ETV1: variants seen among roughly 807,000 people sequenced by gnomAD.
The protein encoded by ETV1 is ETS translocation variant 1.
ETV1 carries 27 observed loss-of-function variants against 62.3 expected under a neutral mutation model. The ratio of observed to expected loss-of-function variants is 0.43; its 90% CI spans 0.32 to 0.60. The LOEUF (loss-of-function observed/expected upper bound fraction) is 0.60. Among genes scored for constraint, ETV1 ranks in the 20% least tolerant of loss-of-function variants. The pLI, the probability that ETV1 is intolerant of heterozygous loss-of-function variation, is 0.06. For missense variants in ETV1, 605 were observed against 605.8 expected (o/e 1.00, Z 0.01); for synonymous variants, 222 against 199.6 (o/e 1.11, Z -0.94).
chr7:13,919,884 C>CAA (rs200553984), intron 9 of ETV1, among the ~76,000 whole-genome samples: 11 of 152,070 alleles, frequency 7.2e-5, no homozygotes, highest in Non-Finnish European at 8.8e-5. Flanking sequence ...CACAAAGACA[C>CAA]ACACACAGAG....
chr7:13,948,983 A>G (rs945474660), intron 6 of ETV1, among the ~76,000 whole-genome samples: 9 of 152,194 alleles, frequency 5.9e-5, no homozygotes, highest in African/African-American at 2.2e-4. Flanking sequence ...ATTGAGACTA[A>G]AACTACAAAT....
intron 6 of ETV1, among the ~76,000 whole-genome samples, chr7:13,974,098 G>C (rs1000150561): frequency 2.0e-5 from 3 of 152,112 alleles, no homozygotes; most frequent in African/African-American, 4.8e-5. Flanking sequence ...TAATATACAA[G>C]ATGCTGTGGA....
intron 6 of ETV1, among the ~76,000 whole-genome samples, chr7:13,954,558 A>G (rs564231268): frequency 6.6e-6 from 1 of 152,326 alleles, no homozygotes; most frequent in South Asian, 2.1e-4. Flanking sequence ...TGGTGATCCT[A>G]TATTGTTTGA....
chr7:13,989,843 G>T (rs80152843), upstream of ETV1: 61,383 of 371,340 alleles, frequency 0.17, 6,017 homozygotes, highest in Middle Eastern at 0.23. Flanking sequence ...TCTGCCCTAG[G>T]GGGTGCTCGG....
At chr7:13,902,651 G>C (rs1040098855) in intron 12 of ETV1, among the ~76,000 whole-genome samples, 1 of 152,078 alleles carries the variant, frequency 6.6e-6, no homozygotes, top group Non-Finnish European at 1.5e-5. Flanking sequence ...ACCTGGAGGG[G>C]ATGTGAAAAT....
chr7:13,938,887 A>T (rs1039215186), intron 7 of ETV1, among the ~76,000 whole-genome samples: 1 of 152,234 alleles, frequency 6.6e-6, no homozygotes, highest in Non-Finnish European at 1.5e-5. Flanking sequence ...GCATCACTAC[A>T]GTAGAAAAGC....
intron 6 of ETV1, among the ~76,000 whole-genome samples, chr7:13,941,087 T>A (rs1003399359): frequency 1.3e-5 from 2 of 152,166 alleles, no homozygotes; most frequent in Non-Finnish European, 2.9e-5. Flanking sequence ...AGAAATTTTG[T>A]CTATCTCCAT....
rs550322359 is a variant in ETV1 at position 13,913,491 on chromosome 7, A to T, written c.803-2184T>A. Among the ~76,000 whole-genome samples, 7 of 152,316 alleles carry T rather than the reference A, an allele frequency of 4.6e-5. No homozygotes were observed. In the East Asian group the frequency reaches 1.3e-3, roughly 29 times the overall value. On this transcript the variant is annotated intron_variant, in intron 9 of 13. Coordinates refer to ENST00000430479, the MANE Select transcript of ETV1 (RefSeq NM_004956.5). ...TAATAATAATAATGACATCCTTAAA[A>T]GGGTTGTTGGGAGGACCACGTGGAG...
At position 13,928,956 on chromosome 7, in the gene ETV1, T is replaced by C. The variant is rs889462569; in HGVS notation, c.802+2546A>G. Among the ~76,000 whole-genome samples, 18 of 152,320 alleles carry C rather than the reference T, an allele frequency of 1.2e-4. No individual in the cohort carries two copies. The South Asian group carries it at 1.2e-3, about 11-fold the overall frequency. ...CTGGGCGACAGAGCGAGACTCCGTC[T>C]CAAAAAAAATTCATTTCTAGAGCAC... On this transcript the variant is annotated intron_variant, in intron 9 of 13. Transcript: ENST00000430479.
chr7:13,906,672 A>G, intron 11 of ETV1, 73 bp from the exon 12 acceptor site: 1 of 1,145,644 alleles, frequency 8.7e-7, no homozygotes, highest in Non-Finnish European at 1.2e-6. Flanking sequence ...ACATTAAATC[A>G]ATCACTAATA....
chr7:13,951,091 G>C (rs1379779393), intron 6 of ETV1, among the ~76,000 whole-genome samples: 1 of 151,550 alleles, frequency 6.6e-6, no homozygotes, highest in Non-Finnish European at 1.5e-5. Context: ...CATACCACTT[G>C]GGCTAAGTTC....
Position 13,900,756 on chromosome 7 carries a change from C to A in ETV1, c.1194G>T (p.Glu398Asp). The A allele has an allele frequency of 1.9e-6, 3 of 1,608,782 alleles. No individual in the cohort carries two copies. Among genetic ancestry groups the A allele is most frequent in the Non-Finnish European group, 1.7e-6 (2 of 1,177,156 alleles). ...TGCTCACCTTTTGCATAATTCCTTT[C>A]TCATAGTAATAGCGGAGTGAACGGC... ...KLSRSLRYYY[E>D]KGIMQKVAGE... The change falls in exon 13 of 14, where the codon GAG (glutamate) becomes GAT (aspartate). Residue 398 changes from glutamate to aspartate, a missense_variant. Glu to Asp is a conservative substitution (Grantham distance 45). Transcript: ENST00000430479.
In ETV1 at chr7:13,931,553, G is replaced by A. The variant is rs904139873; in HGVS notation, c.751C>T (p.Pro251Ser). 6.2e-7 allele frequency: 1 copy of A among 1,614,064 alleles called. No individual in the cohort carries two copies. Among genetic ancestry groups the A allele is most frequent in the Non-Finnish European group, 8.5e-7 (1 of 1,179,904 alleles). ...TCCTGTTTAATCATCAGAGGAGGGG[G>A]AAAGCTTTGGCTGGCCGCACTGCCA... is the stretch of plus-strand genomic sequence containing the variant. ...MVGSAASQSFPPPLMIKQEPR... is the reference protein window; with the variant it reads ...MVGSAASQSFSPPLMIKQEPR... Residue 251 changes from proline to serine, a missense_variant, in exon 9 of 14, where the codon CCC becomes TCC. Pro to Ser is a moderately conservative substitution (Grantham distance 74, BLOSUM62 -1). Around this residue, in one of 3 missense-constraint regions of ETV1, gnomAD observed 426 missense variants for 377.8 expected, o/e 1.13. Coordinates refer to ENST00000430479, the MANE Select transcript of ETV1 (RefSeq NM_004956.5).
At chr7:13,920,687 T>C (rs1388255661) in intron 9 of ETV1, among the ~76,000 whole-genome samples, 1 of 152,204 alleles carries the variant, frequency 6.6e-6, no homozygotes, top group African/African-American at 2.4e-5. Flanking sequence ...ATCCAGACTG[T>C]AGTCTCAACT....
intron 8 of ETV1, among the ~76,000 whole-genome samples, chr7:13,933,094 T>G (rs918503681): frequency 6.6e-6 from 1 of 152,204 alleles, no homozygotes; most frequent in African/African-American, 2.4e-5. Context: ...AAACAGAAAT[T>G]ATCATTAAGA....
In ETV1 at chr7:13,935,707, C is replaced by T. The variant is rs1786726109; in HGVS notation, c.554+1G>A. On this transcript the variant is annotated splice_donor_variant, in intron 8 of 13. Transcript: ENST00000430479. LOFTEE classifies it high-confidence loss of function. The stretch of plus-strand genomic sequence containing the variant: ...CTAGAAAACTGGTATCTGCAGGTTA[C>T]CTGTGGTCCATGGGGTAGCTGCTAT... The T allele has an allele frequency of 1.2e-6, 2 of 1,612,854 alleles. 1 individual carries two copies. Among genetic ancestry groups the T allele is most frequent in the South Asian group, 2.2e-5 (2 of 90,962 alleles).
chr7:13,989,284 C>A lies in ETV1; in HGVS notation c.-104G>T. 1 of 519,626 alleles carries A rather than the reference C, an allele frequency of 1.9e-6. No homozygotes were observed. Among genetic ancestry groups the A allele is most frequent in the Non-Finnish European group, 3.4e-6 (1 of 295,966 alleles). The allele number at this position is 519,626 out of a possible 1,614,324, so 32.2% of individuals were successfully genotyped here. ...CTCCTTCACCTGGATCCAAAGAGAGCCAACAGAGTTCACAATTTACATATT... is the reference window on the plus strand; with the variant it reads ...CTCCTTCACCTGGATCCAAAGAGAGACAACAGAGTTCACAATTTACATATT... On this transcript the variant is annotated 5_prime_UTR_variant, in exon 2 of 14. Transcript: ENST00000430479.
chr7:13,969,941 G>C (rs1039791790), intron 6 of ETV1, among the ~76,000 whole-genome samples: 1 of 152,038 alleles, frequency 6.6e-6, no homozygotes, highest in East Asian at 1.9e-4. Context: ...TTCCTACTCT[G>C]TACATAAACT....
intron 12 of ETV1, among the ~76,000 whole-genome samples, chr7:13,905,226 G>A (rs17167628): frequency 0.053 from 7,981 of 151,994 alleles, 244 homozygotes; most frequent in South Asian, 0.11. Context: ...AGTTGAATAC[G>A]TGGTTTAATA....
Sources: gnomAD v4.1 joint callset for allele counts (sites outside exome capture counted in the v4.1 genomes callset) on GRCh38, gnomAD v4.1.1 for gene constraint, gnomAD v4.1.1 regional missense constraint, MANE v1.5 for transcripts, NCBI Gene and HGNC (gene_info 2026-07-23, HGNC 2026-07-21) for gene names.